The following CEP63 variants were observed in gnomAD, a reference collection of about 807,000 sequenced individuals.
The protein encoded by CEP63 is centrosomal protein of 63 kDa.
In CEP63, 84 loss-of-function variants were observed where a neutral mutation model predicts 89.1. The ratio of observed to expected loss-of-function variants is 0.94; its 90% CI spans 0.79 to 1.13. The LOEUF (loss-of-function observed/expected upper bound fraction) is 1.13. Among genes scored for constraint, CEP63 ranks in the 50% most tolerant of loss-of-function variants. CEP63 has a pLI of 0.00. For synonymous variants in CEP63, 267 were observed against 272.5 expected, an observed-to-expected ratio of 0.98 and a Z score of 0.20; for missense variants, 838 against 813.3, an observed-to-expected ratio of 1.03 and a Z score of -0.37.
chr3:134,549,297 A>G, intron 10 of CEP63, 121 bp downstream of exon 10: 2 of 681,796 alleles, frequency 2.9e-6, no homozygotes, highest in Non-Finnish European at 5.4e-6. Context: ...ACCACTTGAT[A>G]TTTAGGAGTG....
intron 3 of CEP63, among the ~76,000 whole-genome samples, chr3:134,519,326 G>C (rs1045775591): frequency 6.6e-6 from 1 of 151,490 alleles, no homozygotes; most frequent in African/African-American, 2.4e-5. Context: ...TAGAAATGGG[G>C]TTTCACCATG....
Position 134,552,027 on chromosome 3 carries a change from A to G in CEP63, c.1467+15A>G. ...GTTTACATGAGGTACATAAATAGAA[A>G]CTTAAGTTTTTCTACTATCCAAGCC... On this transcript the variant is annotated intron_variant, in intron 12 of 14. Coordinates refer to ENST00000675561, the MANE Select transcript of CEP63 (RefSeq NM_001353108.3). 1 of 1,463,200 alleles carries G rather than the reference A, an allele frequency of 6.8e-7. No homozygotes were observed. The highest frequency in any genetic ancestry group is 9.5e-7 in the Non-Finnish European group (1 of 1,047,468). The allele number at this position is 1,463,200 out of a possible 1,614,324, so 90.6% of individuals were successfully genotyped here.
chr3:134,705,802 C>A, the CEP63 span, among the ~76,000 whole-genome samples: 3 of 152,182 alleles, frequency 2.0e-5, no homozygotes, highest in African/African-American at 7.2e-5. Context: ...GTTGGTGGGA[C>A]AAGCTCAGGA....
chr3:134,708,436 G>C, the CEP63 span, among the ~76,000 whole-genome samples: 1 of 152,236 alleles, frequency 6.6e-6, no homozygotes, highest in Admixed American at 6.5e-5. Context: ...GTGTGTGATA[G>C]AATTGGTCAT....
At chr3:134,566,113 G>T (rs889600140), downstream of CEP63, among the ~76,000 whole-genome samples, 15 of 120,208 alleles carry the variant, frequency 1.2e-4, no homozygotes, top group African/African-American at 4.8e-4. Context: ...TGATAATTCA[G>T]ACATACAATT....
chr3:134,718,678 A>T, the CEP63 span, among the ~76,000 whole-genome samples: 1 of 152,178 alleles, frequency 6.6e-6, no homozygotes, highest in African/African-American at 2.4e-5. Flanking sequence ...TATTTACCTT[A>T]TGATAAGATT....
At chr3:134,690,570 A>T in the CEP63 span, among the ~76,000 whole-genome samples, 311 of 152,216 alleles carry the variant, frequency 2.0e-3, no homozygotes, top group Non-Finnish European at 3.9e-3. Context: ...CTGGAGATTT[A>T]TCTTGTAACT....
intron 6 of CEP63, among the ~76,000 whole-genome samples, chr3:134,539,978 A>G (rs1336114749): frequency 6.6e-6 from 1 of 152,174 alleles, no homozygotes. Context: ...TGTGCAGTAC[A>G]TTCATGTACT....
the CEP63 span, chr3:134,608,963 T>A: frequency 1.8e-6 from 2 of 1,122,044 alleles, no homozygotes; most frequent in Non-Finnish European, 2.5e-6. Context: ...GACCCTAACA[T>A]GGGCACTGGA....
intron 3 of CEP63, among the ~76,000 whole-genome samples, chr3:134,524,880 T>C (rs1948301911): frequency 6.6e-6 from 1 of 152,080 alleles, no homozygotes; most frequent in African/African-American, 2.4e-5. Flanking sequence ...TGGTATCAGG[T>C]TGATGCACAA....
chr3:134,575,960 T>G (rs1161240264), downstream of CEP63, among the ~76,000 whole-genome samples: 3 of 152,250 alleles, frequency 2.0e-5, no homozygotes, highest in Non-Finnish European at 2.9e-5. Flanking sequence ...AAGTTTCATA[T>G]AAATGCAATA....
the CEP63 span, among the ~76,000 whole-genome samples, chr3:134,741,865 TC>T: frequency 6.6e-6 from 1 of 152,142 alleles, no homozygotes; most frequent in African/African-American, 2.4e-5. Context: ...GCCCAGCTCC[TC>T]TGAGGGGATC....
chr3:134,561,405 C>T lies in CEP63; in HGVS notation c.1982C>T (p.Ser661Leu), dbSNP rs1479947118. ...TCCTTGCCTGTATCTCCCCTTGGTT[C>T]AATAGCTACCAGATTTTTGGAAGAG... Reference protein sequence around the residue: ...SCSLPVSPLGSIATRFLEEEE... With the variant: ...SCSLPVSPLGLIATRFLEEEE... Residue 661 changes from serine to leucine, a missense_variant, in exon 15 of 15, where the codon TCA becomes TTA. Ser to Leu is a moderately radical substitution (Grantham distance 145, BLOSUM62 -2). Coordinates refer to ENST00000675561, the MANE Select transcript of CEP63 (RefSeq NM_001353108.3). The T allele has an allele frequency of 2.5e-6, 4 of 1,613,862 alleles. No homozygotes were observed. The highest frequency in any genetic ancestry group is 3.4e-6 in the Non-Finnish European group (4 of 1,179,938).
chr3:134,529,868 ATTTTTTTTTTT>A (rs58922185), intron 3 of CEP63, among the ~76,000 whole-genome samples: 1 of 103,156 alleles, frequency 9.7e-6, no homozygotes, highest in Non-Finnish European at 1.8e-5. Context: ...AGGTTAAGAA[ATTTTTTTTTTT>A]TTTTTTTTTT....
At chr3:134,651,679 T>G in the CEP63 span, 21 of 900,306 alleles carry the variant, frequency 2.3e-5, no homozygotes, top group East Asian at 1.2e-3. Flanking sequence ...AAGCTAACGA[T>G]CCTCTTTGAT....
At chr3:134,527,958 CCA>C (rs1949001767) in intron 3 of CEP63, among the ~76,000 whole-genome samples, 2 of 152,180 alleles carry the variant, frequency 1.3e-5, no homozygotes, top group Non-Finnish European at 2.9e-5. Flanking sequence ...CCATGCCCCA[CCA>C]CAGATTCTCT....
chr3:134,547,380 G>A lies in CEP63; in HGVS notation c.975G>A (p.Gly325=), dbSNP rs201514782. 5.6e-6 allele frequency: 9 copies of A among 1,613,600 alleles called. No individual in the cohort carries two copies. Among genetic ancestry groups the A allele is most frequent in the South Asian group, 4.4e-5 (4 of 91,060 alleles). Residue 325 remains glycine, a synonymous_variant, in exon 9 of 15, where the codon GGG becomes GGA. Coordinates refer to ENST00000675561, the MANE Select transcript of CEP63 (RefSeq NM_001353108.3). The part of the protein sequence containing the change: ...SLAEKKYTSQ[G]QGDLDSVLSQ... ...CAGAAAAGAAGTACACCTCTCAAGG[G>A]CAGGGGGACTTAGACAGTGTGCTCT...
At chr3:134,675,390 A>G in the CEP63 span, among the ~76,000 whole-genome samples, 1 of 152,242 alleles carries the variant, frequency 6.6e-6, no homozygotes, top group Non-Finnish European at 1.5e-5. Context: ...CTGAAAATGT[A>G]TGATAGACTT....
rs1957379833 is a variant in CEP63 at position 134,561,870 on chromosome 3, T to C, written c.*335T>C. 1 of 1,068,230 alleles carries C rather than the reference T, an allele frequency of 9.4e-7. No homozygotes were observed. Among genetic ancestry groups the C allele is most frequent in the Non-Finnish European group, 1.1e-6 (1 of 880,024 alleles). The allele number at this position is 1,068,230 out of a possible 1,614,324, so 66.2% of individuals were successfully genotyped here. Reference sequence around the variant, plus strand: ...ATTGAAATAAGGATTTTATGATACATGTTGAAAATAAAGTAACTGCAGGAA... The same window carrying C: ...ATTGAAATAAGGATTTTATGATACACGTTGAAAATAAAGTAACTGCAGGAA... On this transcript the variant is annotated 3_prime_UTR_variant, in exon 15 of 15. Transcript: ENST00000675561.
Sources: gnomAD v4.1 joint callset for allele counts (sites outside exome capture counted in the v4.1 genomes callset) on GRCh38, gnomAD v4.1.1 for gene constraint, MANE v1.5 for transcripts, NCBI Gene and HGNC (gene_info 2026-07-23, HGNC 2026-07-21) for gene names.